The following TSHZ3 variants were observed in gnomAD, a reference collection of about 807,000 sequenced individuals.
The protein encoded by TSHZ3 is teashirt homolog 3.
TSHZ3 carries 10 observed loss-of-function variants against 64.5 expected under a neutral mutation model. The observed-to-expected ratio is 0.16, with a 90% CI of 0.10 to 0.26. The LOEUF (loss-of-function observed/expected upper bound fraction) is 0.26. Among genes scored for constraint, TSHZ3 ranks in the 10% least tolerant of loss-of-function variants. TSHZ3 has a pLI of 1.00. For synonymous variants in TSHZ3, 608 were observed against 593.1 expected, an observed-to-expected ratio of 1.03 and a Z score of -0.36; for missense variants, 1,242 against 1,421.7, an observed-to-expected ratio of 0.87 and a Z score of 2.03.
At chr19:31,241,862 C>G (rs922603059) in intron 3 of TSHZ3, among the ~76,000 whole-genome samples, 3 of 152,188 alleles carry the variant, frequency 2.0e-5, no homozygotes, top group South Asian at 4.1e-4. Context: ...TACGTTGTGT[C>G]TAGTTTTATA....
intron 1 of TSHZ3, among the ~76,000 whole-genome samples, chr19:31,266,319 C>T (rs1270712921): frequency 1.3e-5 from 2 of 152,128 alleles, no homozygotes; most frequent in Non-Finnish European, 2.9e-5. Flanking sequence ...AAAGGATTAG[C>T]TGAGTATGGT....
chr19:31,155,163 T>C (rs1974290274), intron 6 of TSHZ3, among the ~76,000 whole-genome samples: 1 of 152,214 alleles, frequency 6.6e-6, no homozygotes, highest in Non-Finnish European at 1.5e-5. Context: ...AGCCCCATCC[T>C]CACAGCCGCC....
chr19:31,155,170 C>T (rs531481970), intron 6 of TSHZ3, among the ~76,000 whole-genome samples: 38 of 152,342 alleles, frequency 2.5e-4, no homozygotes, highest in Non-Finnish European at 4.7e-4. Context: ...TCCTCACAGC[C>T]GCCTGAACAT....
intron 5 of TSHZ3, among the ~76,000 whole-genome samples, chr19:31,203,286 G>T (rs1037343085): frequency 6.6e-6 from 1 of 152,158 alleles, no homozygotes; most frequent in Non-Finnish European, 1.5e-5. Flanking sequence ...GGAGGTCGGT[G>T]TGTCCAAAGA....
chr19:31,253,880 T>C (rs191973253), intron 1 of TSHZ3, among the ~76,000 whole-genome samples: 13 of 152,290 alleles, frequency 8.5e-5, no homozygotes, highest in Non-Finnish European at 4.4e-5. Context: ...TGGCAATTTC[T>C]CAGCAAAGAC....
At chr19:31,332,973 T>C (rs1917135572) in intron 1 of TSHZ3, among the ~76,000 whole-genome samples, 1 of 151,732 alleles carries the variant, frequency 6.6e-6, no homozygotes, top group African/African-American at 2.4e-5. Context: ...GGCATGATGG[T>C]GTGTGCCTGT....
At chr19:31,178,911 T>C (rs180975956) in intron 5 of TSHZ3, among the ~76,000 whole-genome samples, 23 of 152,164 alleles carry the variant, frequency 1.5e-4, no homozygotes, top group Non-Finnish European at 2.9e-4. Context: ...TATCTGAAAG[T>C]TGGCTGAAGA....
At chr19:31,190,003 A>C (rs1247094610) in intron 5 of TSHZ3, among the ~76,000 whole-genome samples, 1 of 152,126 alleles carries the variant, frequency 6.6e-6, no homozygotes, top group Non-Finnish European at 1.5e-5. Flanking sequence ...TCTGTGTCTA[A>C]TATTAATAGA....
At chr19:31,273,459 G>C (rs990488339), downstream of TSHZ3, among the ~76,000 whole-genome samples, 2 of 152,154 alleles carry the variant, frequency 1.3e-5, no homozygotes, top group African/African-American at 4.8e-5. Flanking sequence ...AAAGTGTGTC[G>C]AGTCCTCCCA....
intron 3 of TSHZ3, among the ~76,000 whole-genome samples, chr19:31,230,103 T>A (rs1975519075): frequency 6.6e-6 from 1 of 152,160 alleles, no homozygotes; most frequent in Admixed American, 6.5e-5. Flanking sequence ...AAATGTTCCC[T>A]GGAAGGTTGT....
At chr19:31,258,073 T>A (rs1975935828) in intron 1 of TSHZ3, among the ~76,000 whole-genome samples, 1 of 152,106 alleles carries the variant, frequency 6.6e-6, no homozygotes, top group Non-Finnish European at 1.5e-5. Flanking sequence ...CTTAATCCCA[T>A]GAGAAGACTC....
At chr19:31,222,863 T>A (rs534122970) in intron 4 of TSHZ3, among the ~76,000 whole-genome samples, 1 of 152,012 alleles carries the variant, frequency 6.6e-6, no homozygotes, top group Non-Finnish European at 1.5e-5. Flanking sequence ...CCCTATTCAC[T>A]TCAGAGGGTT....
chr19:31,160,524 G>A (rs1371159484), intron 5 of TSHZ3, among the ~76,000 whole-genome samples: 1 of 152,110 alleles, frequency 6.6e-6, no homozygotes, highest in Non-Finnish European at 1.5e-5. Flanking sequence ...CACTTTTTAA[G>A]CTCCACGTGT....
At chr19:31,287,090 G>A (rs571220369) in intron 1 of TSHZ3, among the ~76,000 whole-genome samples, 20 of 152,302 alleles carry the variant, frequency 1.3e-4, no homozygotes, top group African/African-American at 4.8e-4. Context: ...AAGATAAAGA[G>A]GAAGTGTTGG....
Position 31,269,376 on chromosome 19 carries a change from G to A in TSHZ3, n.64-26501C>T, listed in dbSNP as rs560353591. ...TTCATGGTCACTGAGGCGGAAGTCC[G>A]GCGACCGTACCTCCATTTTTTTTAA... is the stretch of plus-strand genomic sequence containing the variant. On this transcript the variant is annotated intron_variant and non_coding_transcript_variant, in intron 1 of 6. Coordinates refer to the TSHZ3 transcript ENST00000651361. 1.3e-4 allele frequency among the ~76,000 whole-genome samples: 20 copies of A among 152,194 alleles called. No individual in the cohort carries two copies. The South Asian group carries it at 2.5e-3, about 19-fold the overall frequency.
chr19:31,149,900 G>A (rs1974217445), downstream of TSHZ3, among the ~76,000 whole-genome samples: 1 of 152,168 alleles, frequency 6.6e-6, no homozygotes, highest in Non-Finnish European at 1.5e-5. Flanking sequence ...AGAGGGTCAT[G>A]TTAGGGAGTG....
intron 1 of TSHZ3, among the ~76,000 whole-genome samples, chr19:31,280,167 C>T (rs1976336967): frequency 6.6e-6 from 1 of 152,160 alleles, no homozygotes; most frequent in South Asian, 2.1e-4. Flanking sequence ...ACCCCTAATG[C>T]ATTTCTTAAC....
intron 4 of TSHZ3, among the ~76,000 whole-genome samples, chr19:31,226,763 T>C (rs1157450469): frequency 1.3e-5 from 2 of 152,112 alleles, no homozygotes; most frequent in East Asian, 1.9e-4. Context: ...TCTATTTACA[T>C]GTGGTGTCCT....
intron 5 of TSHZ3, among the ~76,000 whole-genome samples, chr19:31,165,394 A>G (rs1250585240): frequency 6.6e-6 from 1 of 152,124 alleles, no homozygotes; most frequent in Non-Finnish European, 1.5e-5. Flanking sequence ...TTTTCATGAC[A>G]TGAACCTCTT....
Sources: gnomAD v4.1 joint callset for allele counts (sites outside exome capture counted in the v4.1 genomes callset) on GRCh38, gnomAD v4.1.1 for gene constraint, MANE v1.5 for transcripts, NCBI Gene and HGNC (gene_info 2026-07-23, HGNC 2026-07-21) for gene names.